The following TRPC7 variants were observed in gnomAD, a reference collection of about 807,000 sequenced individuals.
The protein encoded by TRPC7 is short transient receptor potential channel 7.
A neutral mutation model predicts 90.1 loss-of-function variants in TRPC7; 42 were observed. The ratio of observed to expected loss-of-function variants is 0.47; its 90% CI spans 0.36 to 0.60. The LOEUF (loss-of-function observed/expected upper bound fraction) is 0.60, where lower values mean the gene tolerates loss of function less well. Ranked by LOEUF, TRPC7 falls within the 20% of genes least tolerant of loss-of-function variation. TRPC7 has a pLI of 0.00. For synonymous variants in TRPC7, 451 were observed against 436.3 expected (o/e 1.03, Z -0.42); for missense variants, 955 against 1,112.3 (o/e 0.86, Z 2.01).
At chr5:136,325,896 A>T (rs1561719693) in intron 2 of TRPC7, among the ~76,000 whole-genome samples, 1 of 152,204 alleles carries the variant, frequency 6.6e-6, no homozygotes, top group Non-Finnish European at 1.5e-5. Flanking sequence ...GTAACAAAGG[A>T]TCAAAGGCTA....
chr5:136,240,118 ATCT>A (rs1756113727), intron 7 of TRPC7, among the ~76,000 whole-genome samples: 1 of 152,180 alleles, frequency 6.6e-6, no homozygotes, highest in African/African-American at 2.4e-5. Flanking sequence ...CTCTGATTTA[ATCT>A]TCTGCCATCT....
intron 2 of TRPC7, among the ~76,000 whole-genome samples, chr5:136,319,911 G>A (rs57271030): frequency 9.2e-5 from 14 of 152,110 alleles, no homozygotes; most frequent in African/African-American, 3.4e-4. Context: ...CCAGCCATTG[G>A]AATTCTTCTT....
chr5:136,346,958 C>A (rs569509124), intron 2 of TRPC7, among the ~76,000 whole-genome samples: 1 of 152,272 alleles, frequency 6.6e-6, no homozygotes, highest in South Asian at 2.1e-4. Context: ...GATCCTCAAT[C>A]CCAAATGACT....
chr5:136,247,451 G>C lies in TRPC7; in HGVS notation c.1844+20C>G. 2 of 1,591,224 alleles carry C rather than the reference G, an allele frequency of 1.3e-6. No homozygotes were observed. Among genetic ancestry groups the C allele is most frequent in the Non-Finnish European group, 1.7e-6 (2 of 1,166,498 alleles). On this transcript the variant is annotated intron_variant, in intron 7 of 11. Coordinates refer to ENST00000513104, the MANE Select transcript of TRPC7 (RefSeq NM_020389.3). The surrounding 1 kb of genome is among the most constrained non-coding windows in gnomAD (Gnocchi z 4.2). ...AGGAAGCCCAGGGAGAACCTCAGGG[G>C]AAAGCTCTCAGATACTCACGTTGTA...
intron 8 of TRPC7, among the ~76,000 whole-genome samples, chr5:136,227,535 C>A (rs1406456469): frequency 6.6e-6 from 1 of 151,906 alleles, no homozygotes. Context: ...GCAGGGTTGA[C>A]CACTTTGCTT....
chr5:136,348,597 T>C (rs1384789674), intron 2 of TRPC7, among the ~76,000 whole-genome samples: 1 of 152,202 alleles, frequency 6.6e-6, no homozygotes, highest in Non-Finnish European at 1.5e-5. Flanking sequence ...GCAGGAACTT[T>C]ATCTTGTTCA....
At chr5:136,362,899 G>T (rs1320849959) in intron 1 of TRPC7, among the ~76,000 whole-genome samples, 1 of 152,136 alleles carries the variant, frequency 6.6e-6, no homozygotes, top group Non-Finnish European at 1.5e-5. Flanking sequence ...TGCATATGGT[G>T]CTTGGTCAAT....
At chr5:136,239,486 G>A (rs1031170141) in intron 7 of TRPC7, among the ~76,000 whole-genome samples, 2 of 152,198 alleles carry the variant, frequency 1.3e-5, no homozygotes, top group African/African-American at 2.4e-5. Context: ...CTGCAAACAC[G>A]TTCAGCACAC....
chr5:136,291,271 G>A (rs1394258725), intron 3 of TRPC7, among the ~76,000 whole-genome samples: 24 of 147,996 alleles, frequency 1.6e-4, no homozygotes, highest in South Asian at 6.5e-4. Flanking sequence ...ATAATGAAAG[G>A]ATCAAATTCA....
chr5:136,213,268 G>A lies in TRPC7; in HGVS notation c.*167C>T. On this transcript the variant is annotated 3_prime_UTR_variant, in exon 12 of 12. Transcript: ENST00000513104. ...TTCACAGCAGTTCTGGGTCTAGGCA[G>A]GCCAGCGGGCTGGAGATGTCAGTCA... 1 of 704,846 alleles carries A rather than the reference G, an allele frequency of 1.4e-6. No homozygotes were observed. 43.7% of individuals were successfully genotyped at this position (704,846 alleles called of 1,614,324 possible).
chr5:136,294,087 T>C (rs1469266777), intron 3 of TRPC7, among the ~76,000 whole-genome samples: 1 of 152,180 alleles, frequency 6.6e-6, no homozygotes, highest in Non-Finnish European at 1.5e-5. Context: ...TGGCTAGCCA[T>C]ATGTAGAAAG....
rs1009381841 is a variant in TRPC7 at position 136,310,958 on chromosome 5, T to C, written c.963+4639A>G. ...TGCTGGTGATACAGCCATGCCTGCC[T>C]GATAATATATGTGCTTTCTGCCATG... On this transcript the variant is annotated intron_variant, in intron 3 of 11. Transcript: ENST00000513104. Among the ~76,000 whole-genome samples the C allele has an allele frequency of 5.9e-5, 9 of 152,286 alleles. No homozygotes were observed. In the East Asian group the frequency reaches 1.7e-3, roughly 29 times the overall value.
rs757865019 is a variant in TRPC7 at position 136,266,327 on chromosome 5, A to C, written c.1238T>G (p.Val413Gly). ...VVNASDRFEG[V>G]KTLPNETFTD... is the part of the protein sequence containing the mutation. ...GAAGGTTTCGTTTGGCAGGGTTTTA[A>C]CACCTTCAAATCGGTCAGATGCATT... Residue 413 changes from valine (V) to glycine (G), a missense_variant, in exon 5 of 12, where the codon GTT becomes GGT. This residue lies in a region of TRPC7 where 484 missense variants were observed against 509.6 expected (regional missense o/e 0.95). Transcript: ENST00000513104. 4 of 1,613,924 alleles carry C rather than the reference A, an allele frequency of 2.5e-6. No individual in the cohort carries two copies. The South Asian group carries it at 4.4e-5, about 18-fold the overall frequency.
rs1020433981 is a variant in TRPC7 at position 136,274,783 on chromosome 5, G to C, written c.1018C>G (p.Leu340Val). The C allele has an allele frequency of 1.3e-6, 2 of 1,598,834 alleles. No homozygotes were observed. The highest frequency in any genetic ancestry group is 2.7e-5 in the African/African-American group (2 of 74,784). Residue 340 changes from leucine to valine, a missense_variant, in exon 4 of 12, where the codon CTC (leucine) becomes GTC (valine). Leu to Val is a conservative substitution (Grantham distance 32, BLOSUM62 1). This residue lies in a region of TRPC7 where 484 missense variants were observed against 509.6 expected (regional missense o/e 0.95). Transcript: ENST00000513104. ...ATAGACTGTTGACGTAAGCCTGAGA[G>C]ATTTTCATACCACATGGTAAGCAAT... ...QQLLTMWYEN[L>V]SGLRQQSIAV...
intron 11 of TRPC7, 97 bp from the exon 12 acceptor site, chr5:136,213,701 T>A: frequency 5.0e-6 from 7 of 1,407,542 alleles, no homozygotes; most frequent in Non-Finnish European, 6.8e-6. Context: ...CAGTGGAATG[T>A]CGGGTCCTGG....
At chr5:136,276,220 G>C (rs1406522762) in intron 3 of TRPC7, among the ~76,000 whole-genome samples, 3 of 152,170 alleles carry the variant, frequency 2.0e-5, no homozygotes, top group Non-Finnish European at 4.4e-5. Context: ...CATGACAGGA[G>C]GAAGCCATTG....
At chr5:136,329,533 C>T (rs139096491) in intron 2 of TRPC7, among the ~76,000 whole-genome samples, 1 of 151,976 alleles carries the variant, frequency 6.6e-6, no homozygotes, top group Non-Finnish European at 1.5e-5. Flanking sequence ...CAGAAGCTAG[C>T]AGGGGTAAAC....
At chr5:136,286,416 C>T (rs1757721155) in intron 3 of TRPC7, among the ~76,000 whole-genome samples, 1 of 152,166 alleles carries the variant, frequency 6.6e-6, no homozygotes, top group Admixed American at 6.6e-5. Flanking sequence ...GAGACAGTTA[C>T]CTCTTAGAAG....
rs1280644189 is a variant in TRPC7, at chr5:136,345,594, T to C, written c.780+11014A>G. Among the ~76,000 whole-genome samples, 3 of 152,274 alleles carry C rather than the reference T, an allele frequency of 2.0e-5. No homozygotes were observed. In the East Asian group the frequency reaches 5.8e-4, roughly 29 times the overall value. ...AAATGAGTCCTTTGTAGATTCTGGATATTAGCCCTTTGTCAGATGAGTAGA... is the reference window on the plus strand; with the variant it reads ...AAATGAGTCCTTTGTAGATTCTGGACATTAGCCCTTTGTCAGATGAGTAGA... On this transcript the variant is annotated intron_variant, in intron 2 of 11. Coordinates refer to ENST00000513104, the MANE Select transcript of TRPC7 (RefSeq NM_020389.3).
Sources: gnomAD v4.1 joint callset for allele counts (sites outside exome capture counted in the v4.1 genomes callset) on GRCh38, gnomAD v4.1.1 for gene constraint, gnomAD v4.1.1 regional missense constraint, Gnocchi (gnomAD v3.1) non-coding constraint, MANE v1.5 for transcripts, NCBI Gene and HGNC (gene_info 2026-07-23, HGNC 2026-07-21) for gene names.